The following MDGA2 variants were observed in gnomAD, a reference collection of about 807,000 sequenced individuals.
MDGA2 encodes the protein MAM domain-containing glycosylphosphatidylinositol anchor protein 2.
MDGA2 carries 40 observed loss-of-function variants against 117.8 expected under a neutral mutation model. The observed-to-expected ratio is 0.34, with a 90% CI of 0.26 to 0.44. The LOEUF (loss-of-function observed/expected upper bound fraction) is 0.44. Among genes scored for constraint, MDGA2 ranks in the 20% least tolerant of loss-of-function variants. The pLI, the probability that MDGA2 is intolerant of heterozygous loss-of-function variation, is 1.00. For synonymous variants in MDGA2, 452 were observed against 439.0 expected, an observed-to-expected ratio of 1.03 and a Z score of -0.37; for missense variants, 1,123 against 1,250.6, an observed-to-expected ratio of 0.90 and a Z score of 1.54.
At chr14:47,061,146 C>T in intron 7 of MDGA2, 103 bp downstream of exon 7, 1 of 1,133,592 alleles carries the variant, frequency 8.8e-7, no homozygotes, top group African/African-American at 1.6e-5. Flanking sequence ...TTTTAGGAAA[C>T]TTAAAAGGGA....
chr14:47,450,658 T>C (rs1893222766), intron 1 of MDGA2, among the ~76,000 whole-genome samples: 3 of 152,064 alleles, frequency 2.0e-5, no homozygotes, highest in Non-Finnish European at 4.4e-5. Flanking sequence ...ATGTGATGCA[T>C]TAGGATCTTC....
chr14:46,867,925 GTCTGT>G (rs970719119), intron 14 of MDGA2, among the ~76,000 whole-genome samples: 7 of 13,056 alleles, frequency 5.4e-4, no homozygotes, highest in Admixed American at 1.2e-3. Flanking sequence ...TTCATCTTCT[GTCTGT>G]TTTTTTTTTT....
chr14:47,157,792 G>C (rs2139260944), intron 3 of MDGA2, among the ~76,000 whole-genome samples: 1 of 152,160 alleles, frequency 6.6e-6, no homozygotes, highest in East Asian at 1.9e-4. Context: ...GTTCTCACAA[G>C]ATCTTGTGGT....
At chr14:47,540,122 A>T (rs905840334) in intron 1 of MDGA2, among the ~76,000 whole-genome samples, 9 of 151,678 alleles carry the variant, frequency 5.9e-5, no homozygotes, top group South Asian at 2.1e-4. Context: ...CACGCCATTC[A>T]TCTGCCTCAG....
intron 3 of MDGA2, among the ~76,000 whole-genome samples, chr14:47,155,117 G>T (rs1266501791): frequency 6.6e-6 from 1 of 152,110 alleles, no homozygotes; most frequent in Admixed American, 6.5e-5. Context: ...CAACCTGAGG[G>T]CCGTACAGAT....
intron 14 of MDGA2, among the ~76,000 whole-genome samples, chr14:46,859,081 C>G (rs1167230520): frequency 6.6e-6 from 1 of 152,130 alleles, no homozygotes; most frequent in Non-Finnish European, 1.5e-5. Context: ...CTAAATCTGT[C>G]TTACCTATGA....
intron 8 of MDGA2, among the ~76,000 whole-genome samples, chr14:47,029,400 A>G (rs982343548): frequency 1.3e-5 from 2 of 152,152 alleles, no homozygotes; most frequent in Non-Finnish European, 2.9e-5. Flanking sequence ...TATAAGGGGT[A>G]TATTAATTAG....
At chr14:47,440,292 G>C (rs947648213) in intron 1 of MDGA2, among the ~76,000 whole-genome samples, 4 of 152,078 alleles carry the variant, frequency 2.6e-5, no homozygotes, top group African/African-American at 9.7e-5. Flanking sequence ...CCCCTGATCT[G>C]ACATCTCTGA....
rs543187121 is a variant in MDGA2, at chr14:46,949,458, G to A, written c.2089+7916C>T. On this transcript the variant is annotated intron_variant, in intron 9 of 16. Transcript: ENST00000399232. ...CTAGTGTACCCATCATCCAAATAGC[G>A]AGCATTGAAATGCTTACCAATGTGT... 2.1e-4 allele frequency among the ~76,000 whole-genome samples: 32 copies of A among 151,962 alleles called. No homozygotes were observed. In the South Asian group the frequency reaches 6.4e-3, roughly 31 times the overall value.
chr14:47,674,444 TCG>T, intron 1 of MDGA2, 71 bp downstream of exon 1: 1 of 1,306,612 alleles, frequency 7.7e-7, no homozygotes, highest in Non-Finnish European at 1.1e-6. Flanking sequence ...ACGGCGCGAG[TCG>T]TGCATTTTCG....
At chr14:47,610,942 C>T (rs1046376703) in intron 1 of MDGA2, among the ~76,000 whole-genome samples, 1 of 152,040 alleles carries the variant, frequency 6.6e-6, no homozygotes, top group African/African-American at 2.4e-5. Flanking sequence ...GGGCATCACA[C>T]TACCTGATTT....
intron 9 of MDGA2, among the ~76,000 whole-genome samples, chr14:46,922,545 A>G (rs535727174): frequency 6.6e-6 from 1 of 152,340 alleles, no homozygotes; most frequent in South Asian, 2.1e-4. Flanking sequence ...GAAAGGCCAT[A>G]TTTATTAAAA....
At chr14:47,428,259 G>A (rs547267740) in intron 1 of MDGA2, among the ~76,000 whole-genome samples, 1 of 152,136 alleles carries the variant, frequency 6.6e-6, no homozygotes, top group African/African-American at 2.4e-5. Flanking sequence ...GTATCATTCA[G>A]TCATTCTCAT....
chr14:46,949,778 T>C (rs952346759), intron 9 of MDGA2, among the ~76,000 whole-genome samples: 11 of 152,012 alleles, frequency 7.2e-5, no homozygotes, highest in Admixed American at 3.3e-4. Context: ...TTGGATTCCA[T>C]GACTTTGCTA....
At chr14:47,227,551 A>G (rs909500752) in intron 2 of MDGA2, among the ~76,000 whole-genome samples, 2 of 152,138 alleles carry the variant, frequency 1.3e-5, no homozygotes, top group African/African-American at 4.8e-5. Flanking sequence ...TCAGTCTTAA[A>G]ATATAATAAT....
intron 10 of MDGA2, among the ~76,000 whole-genome samples, chr14:46,882,690 G>T (rs1161767348): frequency 2.6e-5 from 4 of 151,692 alleles, no homozygotes; most frequent in Non-Finnish European, 5.9e-5. Context: ...ATTAAAAAGA[G>T]AGGCACAATA....
Position 47,368,632 on chromosome 14 carries a change from T to A in MDGA2, c.281-67082A>T, listed in dbSNP as rs188312154. 1.4e-4 allele frequency among the ~76,000 whole-genome samples: 22 copies of A among 152,294 alleles called. No individual in the cohort carries two copies. The East Asian group carries it at 3.9e-3, about 27-fold the overall frequency. ...TAGGATGTAAGATATATAACTCCAT[T>A]TATTGTATCTAATTTTCATAAATAG... is the stretch of plus-strand genomic sequence containing the variant. On this transcript the variant is annotated intron_variant, in intron 1 of 16. Transcript: ENST00000399232.
chr14:47,477,703 G>A (rs2138628544), intron 1 of MDGA2, among the ~76,000 whole-genome samples: 1 of 152,164 alleles, frequency 6.6e-6, no homozygotes, highest in Admixed American at 6.5e-5. Flanking sequence ...CTAACCCTCT[G>A]TCTGAGATAT....
intron 8 of MDGA2, among the ~76,000 whole-genome samples, chr14:47,022,543 C>G (rs1467241787): frequency 1.3e-5 from 2 of 151,848 alleles, no homozygotes; most frequent in Non-Finnish European, 2.9e-5. Context: ...AAAAAAGAAA[C>G]AGGAAAAATG....
Sources: allele counts gnomAD v4.1 joint callset (sites outside exome capture counted in the v4.1 genomes callset), GRCh38; gene constraint gnomAD v4.1.1; transcripts MANE v1.5; gene names NCBI Gene and HGNC (gene_info 2026-07-23, HGNC 2026-07-21).